The following HSD17B12 variants were observed in gnomAD, a reference collection of about 807,000 sequenced individuals.
HSD17B12 encodes the protein very-long-chain 3-oxoacyl-CoA reductase.
A neutral mutation model predicts 39.3 loss-of-function variants in HSD17B12; 32 were observed. The observed-to-expected ratio is 0.81, with a 90% CI of 0.61 to 1.09. The LOEUF is 1.09. Ranked by LOEUF, HSD17B12 falls within the 50% of genes least tolerant of loss-of-function variation. The pLI is 0.00. For synonymous variants in HSD17B12, 150 were observed against 146.7 expected, an observed-to-expected ratio of 1.02 and a Z score of -0.16; for missense variants, 342 against 382.9, an observed-to-expected ratio of 0.89 and a Z score of 0.89.
At chr11:43,582,978 G>C in the HSD17B12 span, among the ~76,000 whole-genome samples, 2 of 152,212 alleles carry the variant, frequency 1.3e-5, no homozygotes, top group Non-Finnish European at 1.5e-5. Context: ...ACCTGGGGCC[G>C]TCTGTGGAGC....
At chr11:43,784,051 T>C (rs1590297116) in intron 3 of HSD17B12, among the ~76,000 whole-genome samples, 1 of 152,106 alleles carries the variant, frequency 6.6e-6, no homozygotes, top group African/African-American at 2.4e-5. Context: ...AGGAAGAGGA[T>C]TTATTCGGCC....
In HSD17B12 at chr11:43,798,325, A is replaced by G; in HGVS notation, c.289A>G (p.Lys97Glu). 6.2e-7 allele frequency: 1 copy of G among 1,604,870 alleles called. No individual in the cohort carries two copies. The highest frequency in any genetic ancestry group is 8.5e-7 in the Non-Finnish European group (1 of 1,172,932). ...TGTGTTTTCTTTTTCCCTAGAAGAA[A>G]AATTCAAAGTGGAGACAAGAACCAT... ...LDQVSSEIKEKFKVETRTIAV... is the reference protein window; with the variant it reads ...LDQVSSEIKEEFKVETRTIAV... The change falls in exon 4 of 11, where the codon AAA (lysine) becomes GAA (glutamate). Residue 97 changes from lysine to glutamate, a missense_variant. By Grantham distance (56) the Lys-to-Glu change is moderately conservative. Coordinates refer to ENST00000278353, the MANE Select transcript of HSD17B12 (RefSeq NM_016142.3).
chr11:43,798,939 T>C (rs769443513), intron 4 of HSD17B12, among the ~76,000 whole-genome samples: 20 of 152,154 alleles, frequency 1.3e-4, no homozygotes, highest in Non-Finnish European at 2.2e-4. Context: ...TATTTTTGAT[T>C]TGTCTCTTTT....
At chr11:43,775,782 C>T (rs566658053) in intron 3 of HSD17B12, among the ~76,000 whole-genome samples, 2 of 148,074 alleles carry the variant, frequency 1.4e-5, no homozygotes, top group African/African-American at 2.5e-5. Flanking sequence ...CAACAGTCCC[C>T]AGAGTGTGAT....
chr11:43,670,892 A>T, the HSD17B12 span, among the ~76,000 whole-genome samples: 1 of 152,140 alleles, frequency 6.6e-6, no homozygotes, highest in African/African-American at 2.4e-5. Flanking sequence ...CTTTATACAA[A>T]TTTTTAAAAA....
chr11:43,806,626 G>A lies in HSD17B12; in HGVS notation c.391+8199G>A, dbSNP rs564144619. Reference sequence around the variant, plus strand: ...AAATATCACATGTTCTCACTCATATGTGTGAGCTTAAAAAGTAGATCTCAT... The same window carrying A: ...AAATATCACATGTTCTCACTCATATATGTGAGCTTAAAAAGTAGATCTCAT... On this transcript the variant is annotated intron_variant, in intron 4 of 10. Transcript: ENST00000278353. Among the ~76,000 whole-genome samples the A allele has an allele frequency of 3.3e-5, 5 of 152,272 alleles. No individual in the cohort carries two copies. In the South Asian group the frequency reaches 8.3e-4, roughly 25 times the overall value.
At chr11:43,766,260 C>T (rs2134975593) in intron 3 of HSD17B12, among the ~76,000 whole-genome samples, 1 of 152,160 alleles carries the variant, frequency 6.6e-6, no homozygotes. Flanking sequence ...ACAGACTTGA[C>T]TGCTGGGCTC....
chr11:43,729,415 C>T (rs1022286311), intron 1 of HSD17B12, among the ~76,000 whole-genome samples: 20 of 152,182 alleles, frequency 1.3e-4, no homozygotes, highest in Admixed American at 8.5e-4. Context: ...AACAGCACAA[C>T]TATAACTTCA....
chr11:43,574,703 T>C, the HSD17B12 span, among the ~76,000 whole-genome samples: 1 of 152,106 alleles, frequency 6.6e-6, no homozygotes, highest in African/African-American at 2.4e-5. Flanking sequence ...TCCATTCAGA[T>C]TGGTTTAAAA....
At position 43,840,073 on chromosome 11, in the gene HSD17B12, A is replaced by G; in HGVS notation, c.684+9A>G. 6.2e-7 allele frequency: 1 copy of G among 1,607,638 alleles called. No homozygotes were observed. Among genetic ancestry groups the G allele is most frequent in the Non-Finnish European group, 8.5e-7 (1 of 1,176,544 alleles). On this transcript the variant is annotated intron_variant, in intron 9 of 10. Transcript: ENST00000278353. ...AGGGCGTCTTTGTGCAGGTGAGTGG[A>G]GTTTGTTTCACTTAAGTATCCCTGT... is the stretch of plus-strand genomic sequence containing the variant.
the HSD17B12 span, among the ~76,000 whole-genome samples, chr11:43,653,067 A>G: frequency 6.6e-6 from 1 of 151,976 alleles, no homozygotes; most frequent in Admixed American, 6.6e-5. Context: ...GGGAGATTAG[A>G]GTCCTGCCTT....
the HSD17B12 span, among the ~76,000 whole-genome samples, chr11:43,565,360 G>A: frequency 1.8e-3 from 270 of 152,286 alleles, 2 homozygotes; most frequent in African/African-American, 5.4e-3. Context: ...GCTAATTAGA[G>A]GATTGAAGGC....
intron 1 of HSD17B12, chr11:43,733,682 TA>T: frequency 2.1e-6 from 1 of 478,556 alleles, no homozygotes; most frequent in Non-Finnish European, 3.9e-6. Context: ...TAGTAACTTT[TA>T]AAAAAAGGGG....
At chr11:43,693,608 A>G (rs1949883578) in intron 1 of HSD17B12, among the ~76,000 whole-genome samples, 1 of 152,154 alleles carries the variant, frequency 6.6e-6, no homozygotes, top group African/African-American at 2.4e-5. Context: ...GATTATGTTG[A>G]TGACACTTAA....
Position 43,743,025 on chromosome 11 carries a change from G to A in HSD17B12, c.161-7886G>A, listed in dbSNP as rs565821606. Among the ~76,000 whole-genome samples the A allele has an allele frequency of 5.3e-5, 8 of 152,052 alleles. No individual in the cohort carries two copies. In the South Asian group the frequency reaches 1.0e-3, roughly 20 times the overall value. ...GGTAATTTATAGAATATCTAATATC[G>A]AATGTGGACCATTGTATTCTCGATA... is the stretch of plus-strand genomic sequence containing the variant. On this transcript the variant is annotated intron_variant, in intron 1 of 10. Transcript: ENST00000278353.
intron 3 of HSD17B12, among the ~76,000 whole-genome samples, chr11:43,760,725 A>G (rs943865262): frequency 1.3e-5 from 2 of 152,178 alleles, no homozygotes; most frequent in African/African-American, 4.8e-5. Context: ...TGTTATATTT[A>G]GCTTGTTTTG....
the HSD17B12 span, among the ~76,000 whole-genome samples, chr11:43,622,507 A>G: frequency 3.9e-5 from 6 of 152,102 alleles, no homozygotes; most frequent in African/African-American, 1.4e-4. Context: ...TCTCACTTTC[A>G]TTTTATCAGT....
the HSD17B12 span, among the ~76,000 whole-genome samples, chr11:43,600,199 AT>A: frequency 1.3e-5 from 2 of 151,782 alleles, no homozygotes; most frequent in African/African-American, 4.8e-5. Flanking sequence ...ATATGGCCAT[AT>A]TTTATAGCTA....
At chr11:43,714,046 G>C (rs1950096701) in intron 1 of HSD17B12, among the ~76,000 whole-genome samples, 2 of 151,992 alleles carry the variant, frequency 1.3e-5, no homozygotes, top group South Asian at 4.2e-4. Flanking sequence ...TGAGCAGATT[G>C]CAAAAGTTTT....
Sources: gnomAD v4.1 joint callset for allele counts (sites outside exome capture counted in the v4.1 genomes callset) on GRCh38, gnomAD v4.1.1 for gene constraint, MANE v1.5 for transcripts, NCBI Gene and HGNC (gene_info 2026-07-23, HGNC 2026-07-21) for gene names.